The following TBC1D22A variants were observed in gnomAD, a reference collection of about 807,000 sequenced individuals.
The protein encoded by TBC1D22A is TBC1 domain family member 22A.
Under a neutral mutation model 60.2 loss-of-function variants are expected in TBC1D22A, and 38 were observed. The observed-to-expected ratio is 0.63, with a 90% CI of 0.49 to 0.83. The LOEUF is 0.83. TBC1D22A is among the 40% of genes least tolerant of loss of function. The probability of loss-of-function intolerance (pLI) is 0.00; values close to 1 mark genes in which losing one functional copy is unlikely to be tolerated. For synonymous variants in TBC1D22A, 302 were observed against 281.7 expected (o/e 1.07, Z -0.72); for missense variants, 628 against 701.0 (o/e 0.90, Z 1.18).
intron 11 of TBC1D22A, among the ~76,000 whole-genome samples, chr22:47,106,945 A>C (rs1370328692): frequency 1.3e-5 from 2 of 152,192 alleles, no homozygotes; most frequent in East Asian, 1.9e-4. Flanking sequence ...AAACACAACA[A>C]AACAAAAAAC....
chr22:47,106,882 G>A (rs533169096), intron 11 of TBC1D22A, among the ~76,000 whole-genome samples: 19 of 152,212 alleles, frequency 1.2e-4, no homozygotes, highest in African/African-American at 2.6e-4. Context: ...TCAGTGAGCC[G>A]AGATCATGCC....
intron 9 of TBC1D22A, among the ~76,000 whole-genome samples, chr22:46,983,283 C>T (rs2074587690): frequency 6.6e-6 from 1 of 152,184 alleles, no homozygotes. Flanking sequence ...AGGTGGGACA[C>T]CACTAAGTGC....
At chr22:46,780,847 C>T (rs1039323790) in intron 1 of TBC1D22A, among the ~76,000 whole-genome samples, 4 of 152,270 alleles carry the variant, frequency 2.6e-5, no homozygotes, top group African/African-American at 9.6e-5. Context: ...GTGTTGCACG[C>T]TGCTGTCAGG....
rs756891536 is a variant in TBC1D22A at position 46,777,943 on chromosome 22, G to A, written c.63-14577G>A. On this transcript the variant is annotated intron_variant, in intron 1 of 12. Transcript: ENST00000337137. The surrounding 1 kb of genome is among the most constrained non-coding windows in gnomAD (Gnocchi z 4.5). ...CTGCACACCTAGGCTGTACGGCACC[G>A]TCTGTTGCTCTGAGGCTATGTGCCT... Among the ~76,000 whole-genome samples, 1 of 152,216 alleles carries A rather than the reference G, an allele frequency of 6.6e-6. No homozygotes were observed. Among genetic ancestry groups the A allele is most frequent in the Admixed American group, 6.5e-5 (1 of 15,280 alleles).
chr22:46,862,060 G>A (rs1387665507), intron 4 of TBC1D22A, among the ~76,000 whole-genome samples: 1 of 152,124 alleles, frequency 6.6e-6, no homozygotes, highest in East Asian at 1.9e-4. Context: ...GGACAGCGTA[G>A]TGGGGCCTCT....
chr22:46,908,017 G>A (rs904508043), intron 7 of TBC1D22A, among the ~76,000 whole-genome samples: 1 of 152,226 alleles, frequency 6.6e-6, no homozygotes, highest in South Asian at 2.1e-4. Context: ...CCAGAGAGCA[G>A]GGAGCGGCCA....
chr22:46,996,215 T>C lies in TBC1D22A; in HGVS notation c.1126-1419T>C, dbSNP rs530455820. Among the ~76,000 whole-genome samples the C allele has an allele frequency of 2.0e-3, 299 of 152,248 alleles. 1 individual carries two copies. The highest frequency in any genetic ancestry group is 6.9e-3 in the African/African-American group (286 of 41,552). On this transcript the variant is annotated intron_variant, in intron 9 of 12. Coordinates refer to ENST00000337137, the MANE Select transcript of TBC1D22A (RefSeq NM_014346.5). ...AGTTGCCTGTGCCCAGCACCTCCTG[T>C]TTGGACCAAGACTGCATTACCTGTG...
intron 12 of TBC1D22A, among the ~76,000 whole-genome samples, chr22:47,131,362 G>GGTGAACCTGCCTGCTCTGCTGCAGAAACC (rs1569464304): frequency 6.6e-6 from 1 of 152,220 alleles, no homozygotes; most frequent in African/African-American, 2.4e-5. Context: ...ATGCAGAAAT[G>GGTGAACCTGCCTGCTCTGCTGCAGAAACC]GTGAACCTGC....
intron 7 of TBC1D22A, among the ~76,000 whole-genome samples, chr22:46,903,879 A>G (rs2069191310): frequency 6.6e-6 from 1 of 152,022 alleles, no homozygotes; most frequent in South Asian, 2.1e-4. Flanking sequence ...AAACCGGGAA[A>G]AGCATCAGTT....
intron 11 of TBC1D22A, among the ~76,000 whole-genome samples, chr22:47,108,857 A>G (rs1002025874): frequency 5.9e-5 from 9 of 152,050 alleles, no homozygotes; most frequent in Non-Finnish European, 1.2e-4. Context: ...CACCATGCCC[A>G]GCTAATTTTT....
intron 11 of TBC1D22A, among the ~76,000 whole-genome samples, chr22:47,061,702 C>T (rs549028940): frequency 4.6e-5 from 7 of 152,180 alleles, no homozygotes; most frequent in South Asian, 2.1e-4. Flanking sequence ...TTTGCATTGT[C>T]GGTGGTTTGT....
chr22:47,147,866 G>A (rs1309385833), intron 12 of TBC1D22A, among the ~76,000 whole-genome samples: 1 of 152,226 alleles, frequency 6.6e-6, no homozygotes, highest in Non-Finnish European at 1.5e-5. Flanking sequence ...GGCAGAGGCC[G>A]GAGGCCCAGC....
At chr22:46,976,689 C>G (rs999322581) in intron 9 of TBC1D22A, among the ~76,000 whole-genome samples, 12 of 152,226 alleles carry the variant, frequency 7.9e-5, no homozygotes, top group African/African-American at 2.9e-4. Context: ...CTTAAGCACC[C>G]TCTTCACCAC....
intron 4 of TBC1D22A, among the ~76,000 whole-genome samples, chr22:46,840,435 C>T (rs1052318718): frequency 1.3e-4 from 20 of 152,104 alleles, no homozygotes; most frequent in Non-Finnish European, 2.6e-4. Context: ...TAGTATGGCT[C>T]TTACCAAAAA....
At chr22:47,134,197 C>A (rs1463721530) in intron 12 of TBC1D22A, among the ~76,000 whole-genome samples, 1 of 152,222 alleles carries the variant, frequency 6.6e-6, no homozygotes, top group Non-Finnish European at 1.5e-5. Flanking sequence ...CCCTTATTAT[C>A]CCATTGGTGG....
intron 8 of TBC1D22A, among the ~76,000 whole-genome samples, chr22:46,957,338 T>A (rs959458496): frequency 2.0e-5 from 3 of 152,228 alleles, no homozygotes. Flanking sequence ...TGACTCACAG[T>A]TCTGCAGGCT....
At chr22:47,064,544 T>C (rs1393269316) in intron 11 of TBC1D22A, among the ~76,000 whole-genome samples, 3 of 152,256 alleles carry the variant, frequency 2.0e-5, no homozygotes, top group Non-Finnish European at 4.4e-5. Context: ...CTGCTGCGAA[T>C]GCACTGTCAT....
intron 4 of TBC1D22A, among the ~76,000 whole-genome samples, chr22:46,853,821 G>A (rs764176737): frequency 1.3e-5 from 2 of 152,200 alleles, no homozygotes; most frequent in Non-Finnish European, 2.9e-5. Context: ...CAGTGAGCAC[G>A]TGGCTGGTCG....
chr22:46,906,114 G>T (rs1339435797), intron 7 of TBC1D22A, among the ~76,000 whole-genome samples: 2 of 152,074 alleles, frequency 1.3e-5, no homozygotes, highest in Non-Finnish European at 2.9e-5. Flanking sequence ...CTTGGTTCTT[G>T]GCTTGCCCTC....
Sources: allele counts gnomAD v4.1 joint callset (sites outside exome capture counted in the v4.1 genomes callset), GRCh38; gene constraint gnomAD v4.1.1; non-coding constraint Gnocchi (gnomAD v3.1); transcripts MANE v1.5; gene names NCBI Gene and HGNC (gene_info 2026-07-23, HGNC 2026-07-21).